PTPRN2: variants seen among roughly 807,000 people sequenced by gnomAD.
The protein encoded by PTPRN2 is receptor-type tyrosine-protein phosphatase N2.
PTPRN2 carries 74 observed loss-of-function variants against 118.8 expected under a neutral mutation model. The ratio of observed to expected loss-of-function variants is 0.62; its 90% CI spans 0.52 to 0.76. The LOEUF is 0.76. Ranked by LOEUF, PTPRN2 falls within the 30% of genes least tolerant of loss-of-function variation. The pLI, the probability that PTPRN2 is intolerant of heterozygous loss-of-function variation, is 0.00. For missense variants in PTPRN2, 1,481 were observed against 1,394.4 expected, an observed-to-expected ratio of 1.06 and a Z score of -0.99; for synonymous variants, 641 against 608.0, an observed-to-expected ratio of 1.05 and a Z score of -0.80.
chr7:157,774,442 G>A (rs900058656), intron 12 of PTPRN2, among the ~76,000 whole-genome samples: 10 of 152,172 alleles, frequency 6.6e-5, no homozygotes, highest in Non-Finnish European at 1.3e-4. Flanking sequence ...GGTTTAGAAG[G>A]GATAAACCAC....
At position 158,570,505 on chromosome 7, in the gene PTPRN2, C is replaced by T. The variant is rs1018308407; in HGVS notation, c.112+17053G>A. On this transcript the variant is annotated intron_variant, in intron 1 of 22. Coordinates refer to ENST00000389418, the MANE Select transcript of PTPRN2 (RefSeq NM_002847.5). This position sits in a 1 kb window ranked among gnomAD's most constrained non-coding sequence, Gnocchi z 4.5. ...TCGGCAGCTCCGACCCCTCAACTGA[C>T]GCGTCTCCCCGTGGTGGGTCCCGAT... 1.3e-5 allele frequency among the ~76,000 whole-genome samples: 2 copies of T among 152,186 alleles called. No homozygotes were observed. Among genetic ancestry groups the T allele is most frequent in the East Asian group, 1.9e-4 (1 of 5,186 alleles).
At position 158,234,480 on chromosome 7, in the gene PTPRN2, T is replaced by C. The variant is rs189282578; in HGVS notation, c.278-29207A>G. Among the ~76,000 whole-genome samples the C allele has an allele frequency of 1.4e-3, 213 of 148,654 alleles. No individual in the cohort carries two copies. The Middle Eastern group carries it at 0.029, about 20-fold the overall frequency. The stretch of plus-strand genomic sequence containing the variant: ...CACAAATGGTAAACAGATATAGTCA[T>C]CAAATAAAAACATACAAATGGCCAA... On this transcript the variant is annotated intron_variant, in intron 3 of 22. Transcript: ENST00000389418.
At chr7:157,792,635 C>T (rs182613163) in intron 12 of PTPRN2, among the ~76,000 whole-genome samples, 1 of 152,296 alleles carries the variant, frequency 6.6e-6, no homozygotes, top group East Asian at 1.9e-4. Context: ...CACAGAACAC[C>T]TTGTAAGCGA....
At chr7:157,771,001 C>A (rs1472238794) in intron 12 of PTPRN2, among the ~76,000 whole-genome samples, 1 of 152,246 alleles carries the variant, frequency 6.6e-6, no homozygotes, top group Admixed American at 6.5e-5. Context: ...CTGCCAGTTT[C>A]TGGCTTCTGG....
intron 11 of PTPRN2, among the ~76,000 whole-genome samples, chr7:158,004,806 ATCT>A (rs543899231): frequency 9.8e-5 from 15 of 152,324 alleles, no homozygotes; most frequent in South Asian, 8.3e-4. Context: ...GTTTTAGAAA[ATCT>A]TCTTCTACTT....
chr7:157,862,168 C>T (rs116398206), intron 12 of PTPRN2, among the ~76,000 whole-genome samples: 8,644 of 152,314 alleles, frequency 0.057, 433 homozygotes, highest in African/African-American at 0.12. Flanking sequence ...GGGACATGGC[C>T]GCATCAAGGA....
intron 6 of PTPRN2, among the ~76,000 whole-genome samples, chr7:158,144,929 C>A (rs1227465052): frequency 6.6e-6 from 1 of 152,124 alleles, no homozygotes; most frequent in Non-Finnish European, 1.5e-5. Flanking sequence ...GCCACGTCTC[C>A]AGAATGCCAC....
intron 9 of PTPRN2, among the ~76,000 whole-genome samples, chr7:158,123,845 C>A (rs1347240450): frequency 6.6e-6 from 1 of 152,148 alleles, no homozygotes; most frequent in Non-Finnish European, 1.5e-5. Context: ...CCCGTGCTGA[C>A]CCAGGCAGAG....
chr7:157,734,097 C>T, intron 12 of PTPRN2, among the ~76,000 whole-genome samples: 1 of 105,216 alleles, frequency 9.5e-6, no homozygotes, highest in South Asian at 3.2e-4. Context: ...CACAGTTACC[C>T]TTTCCCGTCC....
chr7:158,023,807 C>T (rs1263349687), intron 11 of PTPRN2, among the ~76,000 whole-genome samples: 1 of 152,096 alleles, frequency 6.6e-6, no homozygotes, highest in Non-Finnish European at 1.5e-5. Flanking sequence ...TGCATGCAGG[C>T]ACACACAAGC....
rs376808680 is a variant in PTPRN2 at position 158,134,645 on chromosome 7, G to A, written c.1174-586C>T. Among the ~76,000 whole-genome samples, 31 of 152,236 alleles carry A rather than the reference G, an allele frequency of 2.0e-4. No individual in the cohort carries two copies. The South Asian group carries it at 4.6e-3, about 22-fold the overall frequency. ...CCACAAGTGGGCACATCACAGGGAT[G>A]TGTAATTGATTCTAACGATACCTGA... On this transcript the variant is annotated intron_variant, in intron 8 of 22. Transcript: ENST00000389418.
chr7:157,841,701 C>G (rs1303536984), intron 12 of PTPRN2, among the ~76,000 whole-genome samples: 2 of 152,170 alleles, frequency 1.3e-5, no homozygotes, highest in East Asian at 1.9e-4. Flanking sequence ...AATAAGGAAG[C>G]CTTCCATAGA....
chr7:158,359,894 C>G (rs1808721210), intron 2 of PTPRN2, among the ~76,000 whole-genome samples: 1 of 152,044 alleles, frequency 6.6e-6, no homozygotes, highest in African/African-American at 2.4e-5. Context: ...CTCCTTGGTG[C>G]CCAAGACCTA....
At chr7:158,508,717 G>A (rs1241032146) in intron 1 of PTPRN2, among the ~76,000 whole-genome samples, 23 of 37,526 alleles carry the variant, frequency 6.1e-4, no homozygotes, top group African/African-American at 2.4e-3. Flanking sequence ...TGTGGGTGTC[G>A]GGGCAACGTG....
intron 11 of PTPRN2, among the ~76,000 whole-genome samples, chr7:158,034,386 G>A (rs1331743521): frequency 1.3e-5 from 2 of 152,206 alleles, no homozygotes; most frequent in African/African-American, 4.8e-5. Context: ...AGACCCCAGT[G>A]GGAGGTACCT....
In PTPRN2 at chr7:157,801,717, G is replaced by A. The variant is rs997551875; in HGVS notation, c.1788+96956C>T. 1.3e-5 allele frequency among the ~76,000 whole-genome samples: 2 copies of A among 152,158 alleles called. No homozygotes were observed. Among genetic ancestry groups the A allele is most frequent in the African/African-American group, 4.8e-5 (2 of 41,432 alleles). On this transcript the variant is annotated intron_variant, in intron 12 of 22. Coordinates refer to ENST00000389418, the MANE Select transcript of PTPRN2 (RefSeq NM_002847.5). The surrounding 1 kb of genome is among the most constrained non-coding windows in gnomAD (Gnocchi z 4.2). Reference sequence around the variant, plus strand: ...AATGATATTTAAGAAAAATTCACAGGAGAGGCGGCTGCTGAATGCCTCCAC... The same window carrying A: ...AATGATATTTAAGAAAAATTCACAGAAGAGGCGGCTGCTGAATGCCTCCAC...
intron 2 of PTPRN2, among the ~76,000 whole-genome samples, chr7:158,386,303 C>CCCGAGTCCCTCCTCCCGTG (rs1400231924): frequency 7.4e-6 from 1 of 134,688 alleles, no homozygotes; most frequent in Non-Finnish European, 1.6e-5. Context: ...CCTCCCGTGC[C>CCCGAGTCCCTCCTCCCGTG]CCGAGTCCCT....
intron 5 of PTPRN2, among the ~76,000 whole-genome samples, chr7:158,171,107 TATATATACACACATATATACAC>T (rs1823539514): frequency 9.2e-6 from 1 of 108,866 alleles, no homozygotes; most frequent in African/African-American, 5.1e-5. Context: ...TATATACACA[TATATATACACACATATATACAC>T]ATATATACAC....
At chr7:158,222,164 T>A (rs1205775775) in intron 3 of PTPRN2, among the ~76,000 whole-genome samples, 1 of 152,176 alleles carries the variant, frequency 6.6e-6, no homozygotes, top group Non-Finnish European at 1.5e-5. Context: ...GAAAGCAGTT[T>A]GGAAATTTCT....
Sources: gnomAD v4.1 joint callset for allele counts (sites outside exome capture counted in the v4.1 genomes callset) on GRCh38, gnomAD v4.1.1 for gene constraint, Gnocchi (gnomAD v3.1) non-coding constraint, MANE v1.5 for transcripts, NCBI Gene and HGNC (gene_info 2026-07-23, HGNC 2026-07-21) for gene names.